The following PLEKHA5 variants were observed in gnomAD, a reference collection of about 807,000 sequenced individuals.
PLEKHA5 encodes the protein pleckstrin homology domain containing A5, also known as pleckstrin homology domain-containing family A member 5.
A neutral mutation model predicts 181.9 loss-of-function variants in PLEKHA5; 55 were observed. The ratio of observed to expected loss-of-function variants is 0.30; its 90% CI spans 0.24 to 0.38. The LOEUF (loss-of-function observed/expected upper bound fraction) is 0.38, where lower values mean the gene tolerates loss of function less well. Among genes scored for constraint, PLEKHA5 ranks in the 10% least tolerant of loss-of-function variants. The pLI, the probability that PLEKHA5 is intolerant of heterozygous loss-of-function variation, is 1.00. For synonymous variants in PLEKHA5, 535 were observed against 529.4 expected (o/e 1.01, Z -0.15); for missense variants, 1,432 against 1,549.5 (o/e 0.92, Z 1.27).
intron 20 of PLEKHA5, among the ~76,000 whole-genome samples, chr12:19,323,758 G>A (rs1187148115): frequency 4.7e-5 from 7 of 149,592 alleles, no homozygotes; most frequent in African/African-American, 1.7e-4. Flanking sequence ...AGAGGTTGCA[G>A]TGAGCCAAGA....
intron 3 of PLEKHA5, among the ~76,000 whole-genome samples, chr12:19,142,388 G>A (rs1352338994): frequency 1.3e-5 from 2 of 151,922 alleles, no homozygotes; most frequent in Non-Finnish European, 2.9e-5. Flanking sequence ...TTTTTTAAAA[G>A]CTATTCAACA....
chr12:19,258,751 A>G (rs2067552940), intron 6 of PLEKHA5, among the ~76,000 whole-genome samples: 1 of 151,860 alleles, frequency 6.6e-6, no homozygotes, highest in Admixed American at 6.6e-5. Flanking sequence ...TTTTTAGTAG[A>G]GACGGGTTTT....
At chr12:19,351,167 C>T (rs1804852541) in intron 25 of PLEKHA5, among the ~76,000 whole-genome samples, 4 of 151,960 alleles carry the variant, frequency 2.6e-5, no homozygotes, top group African/African-American at 7.2e-5. Context: ...AACTTCTAGG[C>T]TCAAGCAATC....
At chr12:19,325,154 G>C (rs929251635) in intron 20 of PLEKHA5, among the ~76,000 whole-genome samples, 4 of 152,188 alleles carry the variant, frequency 2.6e-5, no homozygotes, top group Non-Finnish European at 5.9e-5. Context: ...TACTTTGGAA[G>C]GCTGAGGCAG....
chr12:19,312,119 G>A (rs1243415885), intron 15 of PLEKHA5, among the ~76,000 whole-genome samples: 2 of 152,206 alleles, frequency 1.3e-5, no homozygotes, highest in Non-Finnish European at 2.9e-5. Flanking sequence ...CTTTCTTTCT[G>A]AGCATTAGTT....
intron 12 of PLEKHA5, among the ~76,000 whole-genome samples, chr12:19,287,130 T>C (rs1343733718): frequency 6.6e-6 from 1 of 152,054 alleles, no homozygotes; most frequent in Non-Finnish European, 1.5e-5. Flanking sequence ...TCCGAGTAGC[T>C]AGGATTACAG....
intron 15 of PLEKHA5, chr12:19,306,291 T>C: frequency 5.5e-6 from 2 of 362,986 alleles, no homozygotes; most frequent in Non-Finnish European, 1.1e-5. Context: ...TATTTACAGC[T>C]AGAGTTAATT....
chr12:19,246,449 C>T (rs1340620146), intron 3 of PLEKHA5, among the ~76,000 whole-genome samples: 2 of 151,022 alleles, frequency 1.3e-5, no homozygotes, highest in Admixed American at 6.6e-5. Flanking sequence ...ATGGTGAAAC[C>T]GCATCTCTAC....
intron 3 of PLEKHA5, among the ~76,000 whole-genome samples, chr12:19,222,663 T>C (rs1041888784): frequency 6.6e-6 from 1 of 152,150 alleles, no homozygotes; most frequent in Non-Finnish European, 1.5e-5. Flanking sequence ...CAGGGATGTG[T>C]AAATGATTTT....
intron 3 of PLEKHA5, among the ~76,000 whole-genome samples, chr12:19,241,853 G>A (rs1455003293): frequency 2.0e-5 from 3 of 151,944 alleles, no homozygotes; most frequent in African/African-American, 7.3e-5. Context: ...CGCCTGCACA[G>A]TGGCTGAGAT....
chr12:19,232,565 A>G (rs1042203637), intron 3 of PLEKHA5, among the ~76,000 whole-genome samples: 1 of 152,164 alleles, frequency 6.6e-6, no homozygotes. Context: ...TCTGAATCCC[A>G]TTAGTAAGCA....
intron 3 of PLEKHA5, chr12:19,200,679 C>G: frequency 1.9e-6 from 2 of 1,027,526 alleles, no homozygotes; most frequent in Non-Finnish European, 2.3e-6. Flanking sequence ...TTAACCCTTT[C>G]CTTGCTTGCT....
At chr12:19,179,873 T>C (rs2048159646) in intron 3 of PLEKHA5, among the ~76,000 whole-genome samples, 1 of 152,082 alleles carries the variant, frequency 6.6e-6, no homozygotes, top group Admixed American at 6.6e-5. Context: ...ATTAGAAAAA[T>C]ATTTTTTAAA....
intron 3 of PLEKHA5, among the ~76,000 whole-genome samples, chr12:19,241,586 G>A (rs1387396676): frequency 6.6e-6 from 1 of 151,930 alleles, no homozygotes; most frequent in South Asian, 2.1e-4. Flanking sequence ...GTAAAACCCC[G>A]TCTCTACTAA....
chr12:19,249,059 A>T (rs2064531261), intron 3 of PLEKHA5, among the ~76,000 whole-genome samples: 1 of 152,208 alleles, frequency 6.6e-6, no homozygotes, highest in Non-Finnish European at 1.5e-5. Flanking sequence ...TGGGACAGGC[A>T]TGCTGATTCA....
At chr12:19,251,751 A>AC (rs1156466969) in intron 3 of PLEKHA5, among the ~76,000 whole-genome samples, 1 of 151,472 alleles carries the variant, frequency 6.6e-6, no homozygotes, top group Non-Finnish European at 1.5e-5. Context: ...AAAAAAAAAA[A>AC]AAAAAAAAAA....
intron 15 of PLEKHA5, chr12:19,307,179 A>G (rs2084211670): frequency 2.8e-6 from 2 of 707,652 alleles, no homozygotes; most frequent in Non-Finnish European, 5.1e-6. Flanking sequence ...CTAGTAAAGA[A>G]ATAGAGAAAG....
At position 19,336,429 on chromosome 12, in the gene PLEKHA5, C is replaced by G. The variant is rs140897086; in HGVS notation, c.2449-86C>G. On this transcript the variant is annotated intron_variant, in intron 20 of 31. Transcript: ENST00000429027. ...TGCTAAGTATAAACTATATGACTTT[C>G]TAAAATCTAGAAAGTTACAATTGGA... The G allele has an allele frequency of 8.3e-4, 598 of 722,822 alleles. 3 individuals are homozygous for G. In the African/African-American group the frequency reaches 9.3e-3, roughly 11 times the overall value. 44.8% of individuals were successfully genotyped at this position (722,822 alleles called of 1,614,324 possible). A position where few individuals can be genotyped will look rare whatever the true frequency, so the allele number is the denominator to read the frequency against.
At chr12:19,311,568 C>T (rs1003679867) in intron 15 of PLEKHA5, among the ~76,000 whole-genome samples, 1 of 152,150 alleles carries the variant, frequency 6.6e-6, no homozygotes, top group African/African-American at 2.4e-5. Context: ...GTACCTTCAC[C>T]AGGAGTAGAT....
Sources: gnomAD v4.1 joint callset for allele counts (sites outside exome capture counted in the v4.1 genomes callset) on GRCh38, gnomAD v4.1.1 for gene constraint, MANE v1.5 for transcripts, NCBI Gene and HGNC (gene_info 2026-07-23, HGNC 2026-07-21) for gene names.